CHIC1: variants seen among roughly 807,000 people sequenced by gnomAD.
CHIC1 encodes cysteine-rich hydrophobic domain-containing protein 1.
A neutral mutation model predicts 18.5 loss-of-function variants in CHIC1; 7 were observed. The ratio of observed to expected loss-of-function variants is 0.38; its 90% CI spans 0.22 to 0.71. CHIC1 has a LOEUF of 0.71. Among genes scored for constraint, CHIC1 ranks in the 30% least tolerant of loss-of-function variants. CHIC1 has a pLI of 0.49. For missense variants in CHIC1, 159 were observed against 176.9 expected, an observed-to-expected ratio of 0.90 and a Z score of 0.57; for synonymous variants, 77 against 73.5, an observed-to-expected ratio of 1.05 and a Z score of -0.25.
Position 73,647,424 on chromosome X carries a change from G to A in CHIC1, c.508-31902G>A, listed in dbSNP as rs191997555. Among the ~76,000 whole-genome samples the A allele has an allele frequency of 1.6e-4, 18 of 112,074 alleles. No individual in the cohort carries two copies. The East Asian group carries it at 4.3e-3, about 27-fold the overall frequency. On this transcript the variant is annotated intron_variant, in intron 3 of 5. Coordinates refer to ENST00000373502, the MANE Select transcript of CHIC1 (RefSeq NM_001039840.4). ...GAGCTCCCTGGGGGGAGAGGCAACCGCCAGCACTGGGACTGACAGCTGCCT... is the reference window on the plus strand; with the variant it reads ...GAGCTCCCTGGGGGGAGAGGCAACCACCAGCACTGGGACTGACAGCTGCCT...
At chrX:73,677,300 C>G (rs935708973) in intron 3 of CHIC1, among the ~76,000 whole-genome samples, 1 of 112,282 alleles carries the variant, frequency 8.9e-6, no homozygotes, top group African/African-American at 3.2e-5. Flanking sequence ...TTACTGCTGT[C>G]TTTTTGTTTG....
At chrX:73,666,362 G>A (rs1001017543) in intron 3 of CHIC1, among the ~76,000 whole-genome samples, 17 of 112,005 alleles carry the variant, frequency 1.5e-4, no homozygotes, top group African/African-American at 4.5e-4. Flanking sequence ...AGGAAAGACC[G>A]TCCAAGTCCC....
chrX:73,635,236 G>T (rs751622500), intron 3 of CHIC1, among the ~76,000 whole-genome samples: 91 of 111,674 alleles, frequency 8.1e-4, no homozygotes, highest in Non-Finnish European at 1.6e-3. Context: ...CATCATACTC[G>T]ATCATGGTTT....
chrX:73,643,800 G>T (rs1266589075), intron 3 of CHIC1, among the ~76,000 whole-genome samples: 2 of 111,110 alleles, frequency 1.8e-5, no homozygotes, highest in African/African-American at 6.6e-5. Flanking sequence ...TAACTTCTTT[G>T]CCTTTGGTTT....
rs1245246931 is a variant in CHIC1 at position 73,570,629 on chromosome X, GA to G, written c.297-6775del. Among the ~76,000 whole-genome samples the G allele has an allele frequency of 2.7e-5, 3 of 111,166 alleles. No homozygotes were observed. In the East Asian group the frequency reaches 8.5e-4, roughly 32 times the overall value. ...TATTTTGTGGCAAGATGTCCAAACAGAAATTTTCAGTATACAATTAAAGATG... is the reference window on the plus strand; with the variant it reads ...TATTTTGTGGCAAGATGTCCAAACAGAATTTTCAGTATACAATTAAAGATG... On this transcript the variant is annotated intron_variant, in intron 1 of 5. Coordinates refer to ENST00000373502, the MANE Select transcript of CHIC1 (RefSeq NM_001039840.4).
At position 73,564,798 on chromosome X, in the gene CHIC1, T is replaced by G. The variant is rs751877492; in HGVS notation, c.296+1218T>G. 1.1e-3 allele frequency among the ~76,000 whole-genome samples: 95 copies of G among 90,234 alleles called. 3 individuals are homozygous for G. In the South Asian group the frequency reaches 0.029, roughly 28 times the overall value. 78.4% of individuals were successfully genotyped at this position (90,234 alleles called of 115,157 possible). On this transcript the variant is annotated intron_variant, in intron 1 of 5. Coordinates refer to ENST00000373502, the MANE Select transcript of CHIC1 (RefSeq NM_001039840.4). ...CAATTTTTAACATGTTGAGTTTTTTTTTTTTTTTTTTTTTTTGAGACAGAG... is the reference window on the plus strand; with the variant it reads ...CAATTTTTAACATGTTGAGTTTTTTGTTTTTTTTTTTTTTTTGAGACAGAG...
At chrX:73,669,517 C>A (rs2058019929) in intron 3 of CHIC1, among the ~76,000 whole-genome samples, 1 of 107,348 alleles carries the variant, frequency 9.3e-6, no homozygotes, top group Non-Finnish European at 1.9e-5. Context: ...CCCCCCACCA[C>A]ACTATGTCTC....
intron 3 of CHIC1, among the ~76,000 whole-genome samples, chrX:73,627,345 T>C (rs909601102): frequency 8.9e-6 from 1 of 112,071 alleles, no homozygotes; most frequent in Non-Finnish European, 1.9e-5. Flanking sequence ...CCTGGAGCTC[T>C]ACAATCAGGT....
In CHIC1 at chrX:73,686,800, T is replaced by C. The variant is rs2058124433; in HGVS notation, c.*5795T>C. ...GTGGAGAAGCCTAGGATTTCAACTT[T>C]TTGTCAGAGGATTCCTGTTGGGACA... On this transcript the variant is annotated 3_prime_UTR_variant, in exon 6 of 6. Coordinates refer to ENST00000373502, the MANE Select transcript of CHIC1 (RefSeq NM_001039840.4). 9.0e-6 allele frequency: 1 copy of C among 111,512 alleles called. No individual in the cohort carries two copies. The highest frequency in any genetic ancestry group is 9.5e-5 in the Admixed American group (1 of 10,485). 9.2% of individuals were successfully genotyped at this position (111,512 alleles called of 1,213,427 possible).
chrX:73,573,580 G>A (rs979662673), intron 1 of CHIC1, among the ~76,000 whole-genome samples: 3 of 111,115 alleles, frequency 2.7e-5, no homozygotes, highest in Admixed American at 9.5e-5. Flanking sequence ...ATTTGTTTCT[G>A]TCATCTCTGA....
At chrX:73,655,483 C>T (rs185705131) in intron 3 of CHIC1, among the ~76,000 whole-genome samples, 3,044 of 53,523 alleles carry the variant, frequency 0.057, 230 homozygotes, top group Non-Finnish European at 0.074. Flanking sequence ...TACATATATA[C>T]ACAATATTGT....
intron 3 of CHIC1, among the ~76,000 whole-genome samples, chrX:73,654,902 T>C (rs1408949969): frequency 9.0e-6 from 1 of 111,697 alleles, no homozygotes; most frequent in Non-Finnish European, 1.9e-5. Context: ...TATTTGGCTT[T>C]TTCTTTTATT....
intron 3 of CHIC1, among the ~76,000 whole-genome samples, chrX:73,625,766 G>T (rs1369972399): frequency 9.0e-6 from 1 of 111,062 alleles, no homozygotes; most frequent in Admixed American, 9.6e-5. Flanking sequence ...ACCTTCCTAA[G>T]TTGGGCCTCA....
At chrX:73,574,958 A>C (rs1461317761) in intron 1 of CHIC1, among the ~76,000 whole-genome samples, 1 of 109,675 alleles carries the variant, frequency 9.1e-6, no homozygotes, top group African/African-American at 3.3e-5. Context: ...TCTTGTTTTC[A>C]TAGTTCCTCT....
chrX:73,599,215 G>A (rs2057628697), intron 3 of CHIC1, among the ~76,000 whole-genome samples: 1 of 109,639 alleles, frequency 9.1e-6, no homozygotes, highest in African/African-American at 3.4e-5. Flanking sequence ...TGAGTTCATT[G>A]TAGATTCTGG....
At chrX:73,637,996 C>T (rs1435683652) in intron 3 of CHIC1, among the ~76,000 whole-genome samples, 1 of 111,208 alleles carries the variant, frequency 9.0e-6, no homozygotes, top group Non-Finnish European at 1.9e-5. Flanking sequence ...CAGACTGGCT[C>T]TGTTCAGGAG....
intron 3 of CHIC1, among the ~76,000 whole-genome samples, chrX:73,643,114 C>T (rs1298448576): frequency 9.0e-6 from 1 of 111,405 alleles, no homozygotes; most frequent in Non-Finnish European, 1.9e-5. Flanking sequence ...TTTTATTTCT[C>T]CTTCACTTAT....
intron 3 of CHIC1, among the ~76,000 whole-genome samples, chrX:73,614,389 C>T (rs2057723051): frequency 9.0e-6 from 1 of 111,141 alleles, no homozygotes; most frequent in African/African-American, 3.3e-5. Flanking sequence ...TCTGATCTTC[C>T]TGTATCAGGA....
intron 2 of CHIC1, 91 bp from the exon 3 acceptor site, chrX:73,584,326 T>A (rs1464330696): frequency 1.2e-6 from 1 of 820,498 alleles, no homozygotes; most frequent in African/African-American, 2.1e-5. Context: ...TTGTGATTCC[T>A]TAAATTATTT....
Sources: gnomAD v4.1 joint callset for allele counts (sites outside exome capture counted in the v4.1 genomes callset) on GRCh38, gnomAD v4.1.1 for gene constraint, MANE v1.5 for transcripts, NCBI Gene and HGNC (gene_info 2026-07-23, HGNC 2026-07-21) for gene names.